Variants in NDFIP1 observed in about 807,000 individuals in gnomAD.
The protein encoded by NDFIP1 is NEDD4 family-interacting protein 1.
In NDFIP1, 7 loss-of-function variants were observed where a neutral mutation model predicts 28.8. The observed-to-expected ratio is 0.24, with a 90% confidence interval of 0.14 to 0.46. The LOEUF is 0.46. Ranked by LOEUF, NDFIP1 falls within the 20% of genes least tolerant of loss-of-function variation. NDFIP1 has a pLI of 0.99. For missense variants in NDFIP1, 194 were observed against 269.1 expected (o/e 0.72, Z 1.95); for synonymous variants, 92 against 101.0 (o/e 0.91, Z 0.53).
intron 1 of NDFIP1, among the ~76,000 whole-genome samples, chr5:142,116,931 G>A (rs1466992939): frequency 3.3e-5 from 5 of 151,952 alleles, no homozygotes; most frequent in African/African-American, 4.8e-5. Flanking sequence ...GGCTGGTCTC[G>A]AACTCCTGGC....
At chr5:142,134,382 A>G (rs1757254103) in intron 3 of NDFIP1, among the ~76,000 whole-genome samples, 1 of 152,230 alleles carries the variant, frequency 6.6e-6, no homozygotes, top group Non-Finnish European at 1.5e-5. Context: ...AATTTTGGCA[A>G]AACCTTATTC....
chr5:142,117,126 C>T (rs1202573078), intron 1 of NDFIP1, among the ~76,000 whole-genome samples: 4 of 152,080 alleles, frequency 2.6e-5, no homozygotes, highest in African/African-American at 7.2e-5. Context: ...TTAGTACTTA[C>T]CATAATCAAA....
At chr5:142,148,202 C>G (rs1227844917) in intron 7 of NDFIP1, among the ~76,000 whole-genome samples, 3 of 152,098 alleles carry the variant, frequency 2.0e-5, no homozygotes, top group South Asian at 2.1e-4. Context: ...GTCAGGCTAC[C>G]TGAAATATAG....
intron 3 of NDFIP1, among the ~76,000 whole-genome samples, chr5:142,133,584 G>C (rs1757246560): frequency 6.6e-6 from 1 of 152,188 alleles, no homozygotes; most frequent in African/African-American, 2.4e-5. Flanking sequence ...GTACTCTGCA[G>C]ATCTGTTGCA....
intron 1 of NDFIP1, among the ~76,000 whole-genome samples, chr5:142,127,135 C>A (rs1344410315): frequency 6.6e-6 from 1 of 152,122 alleles, no homozygotes; most frequent in African/African-American, 2.4e-5. Context: ...CGTGCCTAAG[C>A]CTCCCGAGTA....
intron 5 of NDFIP1, among the ~76,000 whole-genome samples, chr5:142,139,795 A>C (rs1216857065): frequency 1.3e-5 from 2 of 152,168 alleles, no homozygotes; most frequent in African/African-American, 2.4e-5. Flanking sequence ...AGGTGAGAGG[A>C]TTGCTTGAGC....
chr5:142,127,900 GA>G (rs1266047258), intron 1 of NDFIP1, among the ~76,000 whole-genome samples: 5 of 152,164 alleles, frequency 3.3e-5, no homozygotes, highest in African/African-American at 1.2e-4. Context: ...AGGTTGCAGT[GA>G]GCCAAGATGG....
rs1756979367 is a variant in NDFIP1 at position 142,108,838 on chromosome 5, C to T, written c.-137C>T. ...TGCTTACAGCCTGAGAAGAGCGTCT[C>T]GCCCGGGAGCGGCGGCGGCCATCGA... On this transcript the variant is annotated 5_prime_UTR_variant, in exon 1 of 8. Transcript: ENST00000253814. 3.1e-6 allele frequency: 2 copies of T among 651,974 alleles called. No individual in the cohort carries two copies. Among genetic ancestry groups the T allele is most frequent in the Non-Finnish European group, 4.5e-6 (2 of 441,166 alleles). The allele number at this position is 651,974 out of a possible 1,614,324, so 40.4% of individuals were successfully genotyped here.
At chr5:142,127,290 A>G (rs1757179358) in intron 1 of NDFIP1, among the ~76,000 whole-genome samples, 1 of 152,210 alleles carries the variant, frequency 6.6e-6, no homozygotes, top group Non-Finnish European at 1.5e-5. Flanking sequence ...TGCTGGGATT[A>G]CAGGTGTGAC....
chr5:142,131,238 A>C (rs1031097251), intron 1 of NDFIP1, among the ~76,000 whole-genome samples: 1 of 152,012 alleles, frequency 6.6e-6, no homozygotes, highest in South Asian at 2.1e-4. Flanking sequence ...CCAGAGTGCT[A>C]GGATTACAGG....
intron 3 of NDFIP1, among the ~76,000 whole-genome samples, chr5:142,133,066 G>A (rs922757541): frequency 6.6e-6 from 1 of 152,262 alleles, no homozygotes; most frequent in East Asian, 1.9e-4. Flanking sequence ...ACTGGAGTGA[G>A]TGATGAGCAA....
chr5:142,152,262 A>C lies in NDFIP1; in HGVS notation c.*534A>C, dbSNP rs779597459. The C allele has an allele frequency of 1.3e-5, 2 of 152,796 alleles. No individual in the cohort carries two copies. The highest frequency in any genetic ancestry group is 2.9e-5 in the Non-Finnish European group (2 of 68,034). The allele number at this position is 152,796 out of a possible 1,614,324, so 9.5% of individuals were successfully genotyped here. A position where few individuals can be genotyped will look rare whatever the true frequency, so the allele number is the denominator to read the frequency against. Reference sequence around the variant, plus strand: ...TGTATGAACACCTGGAAGCAAAATCATAGTGCAAAAATACATTTAAGGTGT... The same window carrying C: ...TGTATGAACACCTGGAAGCAAAATCCTAGTGCAAAAATACATTTAAGGTGT... On this transcript the variant is annotated 3_prime_UTR_variant, in exon 8 of 8. Coordinates refer to ENST00000253814, the MANE Select transcript of NDFIP1 (RefSeq NM_030571.4).
intron 1 of NDFIP1, among the ~76,000 whole-genome samples, chr5:142,112,532 TAA>T (rs113729498): frequency 4.2e-4 from 43 of 103,598 alleles, no homozygotes; most frequent in Non-Finnish European, 3.5e-4. Context: ...AAGACTGTCT[TAA>T]AAAAAAAAAA....
intron 1 of NDFIP1, among the ~76,000 whole-genome samples, chr5:142,109,273 C>T (rs1380807545): frequency 6.6e-6 from 1 of 152,232 alleles, no homozygotes; most frequent in African/African-American, 2.4e-5. Context: ...TCCTCCCGGC[C>T]TCGTTTCCCG....
chr5:142,121,819 G>C (rs987448668), intron 1 of NDFIP1, among the ~76,000 whole-genome samples: 3 of 152,206 alleles, frequency 2.0e-5, no homozygotes, highest in Admixed American at 1.3e-4. Context: ...AGTTAAAATG[G>C]TATTAAGATT....
chr5:142,147,719 T>C (rs1757405314), intron 7 of NDFIP1, among the ~76,000 whole-genome samples: 1 of 152,254 alleles, frequency 6.6e-6, no homozygotes, highest in African/African-American at 2.4e-5. Flanking sequence ...CTAACTGTCA[T>C]GTACAGTGAT....
intron 1 of NDFIP1, among the ~76,000 whole-genome samples, chr5:142,110,994 C>T (rs562230368): frequency 2.0e-5 from 3 of 152,048 alleles, no homozygotes; most frequent in African/African-American, 7.2e-5. Context: ...CACACACTCA[C>T]CTACTTAAAA....
intron 6 of NDFIP1, chr5:142,142,890 C>T (rs1269237078): frequency 7.9e-6 from 1 of 125,866 alleles, no homozygotes; most frequent in Non-Finnish European, 1.6e-5. Flanking sequence ...TGCACTCCAG[C>T]CTGGGTAACA....
intron 1 of NDFIP1, among the ~76,000 whole-genome samples, chr5:142,119,786 C>T (rs564075773): frequency 9.4e-4 from 143 of 152,166 alleles, no homozygotes; most frequent in Non-Finnish European, 1.3e-3. Context: ...TAACATAACA[C>T]TCATATATCT....
Sources: allele counts gnomAD v4.1 joint callset (sites outside exome capture counted in the v4.1 genomes callset), GRCh38; gene constraint gnomAD v4.1.1; transcripts MANE v1.5; gene names NCBI Gene and HGNC (gene_info 2026-07-23, HGNC 2026-07-21).